Variants in DLGAP2 observed in about 807,000 individuals in gnomAD.
DLGAP2 encodes disks large-associated protein 2.
In DLGAP2, 26 loss-of-function variants were observed where a neutral mutation model predicts 100.3. The ratio of observed to expected loss-of-function variants is 0.26; its 90% CI spans 0.19 to 0.36. The LOEUF is 0.36. Ranked by LOEUF, DLGAP2 falls within the 10% of genes least tolerant of loss-of-function variation. The pLI, the probability that DLGAP2 is intolerant of heterozygous loss-of-function variation, is 1.00. For synonymous variants in DLGAP2, 886 were observed against 630.1 expected (o/e 1.41, Z -6.08); for missense variants, 1,858 against 1,453.2 (o/e 1.28, Z -4.53).
At chr8:1,553,143 C>T (rs548941713) in intron 5 of DLGAP2, among the ~76,000 whole-genome samples, 59 of 152,276 alleles carry the variant, frequency 3.9e-4, no homozygotes, top group African/African-American at 1.4e-3. Context: ...CTGCTGCATC[C>T]CAGAGAAGAC....
chr8:905,124 C>T (rs1563088809), intron 1 of DLGAP2, among the ~76,000 whole-genome samples: 1 of 152,132 alleles, frequency 6.6e-6, no homozygotes, highest in Non-Finnish European at 1.5e-5. Context: ...CACGTGGATT[C>T]TACCCTGGAA....
At chr8:856,106 A>G (rs1797270851) in intron 1 of DLGAP2, among the ~76,000 whole-genome samples, 1 of 152,144 alleles carries the variant, frequency 6.6e-6, no homozygotes, top group African/African-American at 2.4e-5. Flanking sequence ...ATAAATAAAA[A>G]TGCATTTGTC....
intron 3 of DLGAP2, among the ~76,000 whole-genome samples, chr8:1,492,625 C>A (rs1409479722): frequency 6.6e-6 from 1 of 152,222 alleles, no homozygotes; most frequent in Non-Finnish European, 1.5e-5. Context: ...GTCCCCTCCC[C>A]CCACGAAGAG....
chr8:1,548,555 C>A (rs1801630511), intron 4 of DLGAP2, 71 bp from the exon 5 acceptor site: 2 of 1,337,002 alleles, frequency 1.5e-6, no homozygotes, highest in Non-Finnish European at 2.0e-6. Flanking sequence ...CGGTGGGGGT[C>A]ACATATTCCC....
chr8:1,135,134 G>C (rs1216851016), intron 2 of DLGAP2, among the ~76,000 whole-genome samples: 3 of 152,152 alleles, frequency 2.0e-5, no homozygotes, highest in Admixed American at 2.0e-4. Context: ...TCTGGGATTT[G>C]ACAGTTTTTT....
rs6993856 is a variant in DLGAP2 at position 1,097,599 on chromosome 8, A to G, written c.74-161252A>G. 2.7e-4 allele frequency among the ~76,000 whole-genome samples: 34 copies of G among 127,496 alleles called. 2 individuals are homozygous for G. The highest frequency in any genetic ancestry group is 2.0e-3 in the South Asian group (8 of 3,982). The allele number at this position is 127,496 out of a possible 152,430, so 83.6% of individuals were successfully genotyped here. Reference sequence around the variant, plus strand: ...GGCCTTCACCCTCTGTGGCATGGAGAGGTCCCCTCCAGTGTGAGACCCAGC... The same window carrying G: ...GGCCTTCACCCTCTGTGGCATGGAGGGGTCCCCTCCAGTGTGAGACCCAGC... On this transcript the variant is annotated intron_variant, in intron 2 of 14. Transcript: ENST00000637795.
At chr8:1,690,397 C>A (rs1336336221) in intron 12 of DLGAP2, among the ~76,000 whole-genome samples, 1 of 151,228 alleles carries the variant, frequency 6.6e-6, no homozygotes, top group African/African-American at 2.4e-5. Flanking sequence ...CACACACATA[C>A]AGTATATTCT....
intron 3 of DLGAP2, among the ~76,000 whole-genome samples, chr8:1,370,923 C>G (rs1802221972): frequency 6.6e-6 from 1 of 152,198 alleles, no homozygotes; most frequent in Non-Finnish European, 1.5e-5. Context: ...GGCTTTACAC[C>G]ATGGATAGAA....
At chr8:1,223,070 G>A (rs1405438913) in intron 2 of DLGAP2, among the ~76,000 whole-genome samples, 2 of 152,190 alleles carry the variant, frequency 1.3e-5, no homozygotes, top group African/African-American at 2.4e-5. Flanking sequence ...CAGCTCAGAG[G>A]TCTGTGGGGG....
chr8:1,140,459 T>G (rs1022577010), intron 2 of DLGAP2, among the ~76,000 whole-genome samples: 1 of 152,156 alleles, frequency 6.6e-6, no homozygotes, highest in Non-Finnish European at 1.5e-5. Flanking sequence ...GAACCAGCCC[T>G]GGTGCCCTTC....
At chr8:1,156,032 C>G (rs1796777589) in intron 2 of DLGAP2, among the ~76,000 whole-genome samples, 1 of 152,128 alleles carries the variant, frequency 6.6e-6, no homozygotes, top group Non-Finnish European at 1.5e-5. Context: ...GCTGCTGCTG[C>G]GTCCCTGACA....
chr8:1,232,149 C>G (rs911485633), intron 2 of DLGAP2, among the ~76,000 whole-genome samples: 1 of 152,214 alleles, frequency 6.6e-6, no homozygotes, highest in African/African-American at 2.4e-5. Flanking sequence ...CTGTCCCCTT[C>G]ACGACTGGGT....
At chr8:1,535,707 C>T (rs1019024991) in intron 4 of DLGAP2, among the ~76,000 whole-genome samples, 1 of 152,244 alleles carries the variant, frequency 6.6e-6, no homozygotes, top group East Asian at 1.9e-4. Flanking sequence ...CTTGGTGCAA[C>T]GGCCCTGGTG....
intron 1 of DLGAP2, among the ~76,000 whole-genome samples, chr8:781,007 A>G (rs1563428597): frequency 1.3e-5 from 2 of 152,238 alleles, no homozygotes. Context: ...GAGGTTGTAT[A>G]GTACCTTATG....
intron 3 of DLGAP2, among the ~76,000 whole-genome samples, chr8:1,470,721 C>T (rs1413034913): frequency 7.1e-6 from 1 of 140,568 alleles, no homozygotes; most frequent in Non-Finnish European, 1.5e-5. Context: ...AAGGCATCAC[C>T]GACCACGGCC....
At chr8:1,015,059 A>G (rs1246048359) in intron 2 of DLGAP2, among the ~76,000 whole-genome samples, 1 of 31,068 alleles carries the variant, frequency 3.2e-5, no homozygotes, top group Admixed American at 2.6e-4. Context: ...GTGTGTGACC[A>G]GGACAGACGG....
chr8:1,000,469 T>C (rs1469911558), intron 2 of DLGAP2, among the ~76,000 whole-genome samples: 5 of 151,712 alleles, frequency 3.3e-5, no homozygotes, highest in Admixed American at 3.3e-4. Context: ...CACTGGATTT[T>C]CTCTAGAGCG....
intron 2 of DLGAP2, among the ~76,000 whole-genome samples, chr8:974,654 G>A (rs558309116): frequency 3.7e-4 from 57 of 152,190 alleles, no homozygotes; most frequent in Middle Eastern, 3.4e-3. Context: ...TAACACATTC[G>A]TCAAAGAAGA....
At chr8:1,180,592 C>A (rs757132487) in intron 2 of DLGAP2, among the ~76,000 whole-genome samples, 1 of 114,562 alleles carries the variant, frequency 8.7e-6, no homozygotes, top group Non-Finnish European at 2.0e-5. Context: ...AGCACACTGT[C>A]GAGTGTGTGT....
Sources: allele counts gnomAD v4.1 joint callset (sites outside exome capture counted in the v4.1 genomes callset), GRCh38; gene constraint gnomAD v4.1.1; transcripts MANE v1.5; gene names NCBI Gene and HGNC (gene_info 2026-07-23, HGNC 2026-07-21).